The following ADAM12 variants were observed in gnomAD, a reference collection of about 807,000 sequenced individuals.
ADAM12 encodes ADAM metallopeptidase domain 12, also known as disintegrin and metalloproteinase domain-containing protein 12.
ADAM12 carries 70 observed loss-of-function variants against 106.4 expected under a neutral mutation model. The ratio of observed to expected loss-of-function variants is 0.66; its 90% confidence interval spans 0.54 to 0.80. The LOEUF (loss-of-function observed/expected upper bound fraction) is 0.80, where lower values mean the gene tolerates loss of function less well. ADAM12 is among the 30% of genes least tolerant of loss of function. ADAM12 has a pLI of 0.00. For synonymous variants in ADAM12, 420 were observed against 433.5 expected, an observed-to-expected ratio of 0.97 and a Z score of 0.39; for missense variants, 1,010 against 1,171.9, an observed-to-expected ratio of 0.86 and a Z score of 2.02.
At chr10:126,065,974 C>T (rs906921754) in intron 13 of ADAM12, among the ~76,000 whole-genome samples, 16 of 152,108 alleles carry the variant, frequency 1.1e-4, no homozygotes, top group East Asian at 1.9e-4. Context: ...ATTTTAAAGC[C>T]GAACATTAAA....
chr10:126,296,700 G>T (rs775781582), intron 2 of ADAM12, among the ~76,000 whole-genome samples: 5 of 152,154 alleles, frequency 3.3e-5, no homozygotes, highest in Non-Finnish European at 7.3e-5. Context: ...TTCCATTTCT[G>T]TACCTTCAAG....
At chr10:126,225,582 C>T (rs900412618) in intron 3 of ADAM12, among the ~76,000 whole-genome samples, 7 of 152,140 alleles carry the variant, frequency 4.6e-5, no homozygotes, top group African/African-American at 1.7e-4. Context: ...ATGCTTCACA[C>T]GTGGGAGTGG....
chr10:126,364,000 A>C (rs184366799), intron 1 of ADAM12, among the ~76,000 whole-genome samples: 6 of 152,158 alleles, frequency 3.9e-5, no homozygotes, highest in African/African-American at 1.4e-4. Context: ...TATTTTGATA[A>C]GGGGAAATCC....
At chr10:126,142,650 G>A (rs970052113) in intron 4 of ADAM12, among the ~76,000 whole-genome samples, 16 of 152,242 alleles carry the variant, frequency 1.1e-4, no homozygotes, top group African/African-American at 2.6e-4. Flanking sequence ...CAGATTTGGC[G>A]GGGGGCCTGT....
chr10:126,109,900 A>G, intron 6 of ADAM12, 60 bp from the exon 7 acceptor site: 1 of 1,506,770 alleles, frequency 6.6e-7, no homozygotes, highest in Non-Finnish European at 9.1e-7. Flanking sequence ...TAAGACTGTC[A>G]ATGTCTCTCA....
At chr10:126,157,911 A>G (rs1055678101) in intron 3 of ADAM12, among the ~76,000 whole-genome samples, 2 of 152,214 alleles carry the variant, frequency 1.3e-5, no homozygotes, top group African/African-American at 4.8e-5. Context: ...AGGGCCCTGA[A>G]GAGAAGAGTG....
At chr10:126,198,384 C>G (rs1186032843) in intron 3 of ADAM12, among the ~76,000 whole-genome samples, 1 of 152,202 alleles carries the variant, frequency 6.6e-6, no homozygotes, top group Non-Finnish European at 1.5e-5. Context: ...ACCAGAAGGG[C>G]CCGGCAAGTC....
intron 2 of ADAM12, among the ~76,000 whole-genome samples, chr10:126,280,845 C>T (rs1010833232): frequency 3.9e-5 from 6 of 152,086 alleles, no homozygotes; most frequent in African/African-American, 1.4e-4. Flanking sequence ...CAAAAGAGTA[C>T]AAAAACATAC....
chr10:126,309,338 A>G (rs1379472855), intron 2 of ADAM12, among the ~76,000 whole-genome samples: 1 of 152,216 alleles, frequency 6.6e-6, no homozygotes, highest in African/African-American at 2.4e-5. Context: ...GGGCAGAGAC[A>G]ACAGAAAGAA....
chr10:126,062,374 AG>A lies in ADAM12; in HGVS notation c.1609+2431del, dbSNP rs1387220739. Among the ~76,000 whole-genome samples the A allele has an allele frequency of 2.0e-5, 3 of 152,248 alleles. No individual in the cohort carries two copies. In the East Asian group the frequency reaches 5.8e-4, roughly 29 times the overall value. ...GAGTAGAGCTAAGCCAGGAGCTCCC[AG>A]GGAAGCCCCCTCCTTAGGAAGAGGA... On this transcript the variant is annotated intron_variant, in intron 14 of 22. Coordinates refer to ENST00000448723, the MANE Select transcript of ADAM12 (RefSeq NM_001288973.2).
At chr10:126,021,685 C>T (rs1564991676) in intron 21 of ADAM12, among the ~76,000 whole-genome samples, 1 of 152,222 alleles carries the variant, frequency 6.6e-6, no homozygotes, top group African/African-American at 2.4e-5. Context: ...GTTCCACATA[C>T]ACACACAGTA....
At chr10:126,127,038 C>T (rs563609493) in intron 5 of ADAM12, among the ~76,000 whole-genome samples, 85 of 152,312 alleles carry the variant, frequency 5.6e-4, no homozygotes, top group Non-Finnish European at 9.8e-4. Context: ...TGGCTGGTGG[C>T]CAGTGGATCC....
At chr10:126,248,513 G>A (rs773370900) in intron 3 of ADAM12, among the ~76,000 whole-genome samples, 4 of 152,072 alleles carry the variant, frequency 2.6e-5, no homozygotes, top group Admixed American at 6.5e-5. Context: ...CTTCTCACTG[G>A]TCTGTTCTCG....
chr10:126,269,231 C>G (rs909057867), intron 3 of ADAM12, among the ~76,000 whole-genome samples: 1 of 152,160 alleles, frequency 6.6e-6, no homozygotes, highest in Non-Finnish European at 1.5e-5. Context: ...TTACTGCAAG[C>G]TGTTTTACCA....
At chr10:126,079,821 T>C (rs1456487893) in intron 11 of ADAM12, among the ~76,000 whole-genome samples, 1 of 152,190 alleles carries the variant, frequency 6.6e-6, no homozygotes, top group Non-Finnish European at 1.5e-5. Context: ...ACATGAAAGA[T>C]GTGCCAATGG....
chr10:126,206,864 G>GGGC (rs1167406774), intron 3 of ADAM12, among the ~76,000 whole-genome samples: 3 of 146,274 alleles, frequency 2.1e-5, no homozygotes, highest in Non-Finnish European at 4.6e-5. Flanking sequence ...TGGGGGCGGG[G>GGGC]GGGAGCCAGT....
chr10:126,062,908 T>C (rs773109180), intron 14 of ADAM12, among the ~76,000 whole-genome samples: 12 of 152,346 alleles, frequency 7.9e-5, no homozygotes, highest in African/African-American at 2.6e-4. Context: ...AGATTTGGCC[T>C]GCAGCAGTAG....
At chr10:126,330,359 T>C (rs769861432) in intron 2 of ADAM12, 53 bp downstream of exon 2, 3 of 1,425,602 alleles carry the variant, frequency 2.1e-6, no homozygotes, top group East Asian at 2.3e-5. Context: ...AAGCAGCTAA[T>C]GTGATTTAAA....
chr10:126,387,759 G>A (rs1041940647), intron 1 of ADAM12, among the ~76,000 whole-genome samples: 2 of 152,164 alleles, frequency 1.3e-5, no homozygotes, highest in African/African-American at 2.4e-5. Context: ...TCAAGATACA[G>A]AGACATCTGC....
Sources: allele counts gnomAD v4.1 joint callset (sites outside exome capture counted in the v4.1 genomes callset), GRCh38; gene constraint gnomAD v4.1.1; transcripts MANE v1.5; gene names NCBI Gene and HGNC (gene_info 2026-07-23, HGNC 2026-07-21).